The following ZC3H7B variants were observed in gnomAD, a reference collection of about 807,000 sequenced individuals.
The protein encoded by ZC3H7B is zinc finger CCCH-type containing 7B.
A neutral mutation model predicts 116.0 loss-of-function variants in ZC3H7B; 35 were observed. The observed-to-expected ratio is 0.30, with a 90% CI of 0.23 to 0.40. The LOEUF is 0.40. Ranked by LOEUF, ZC3H7B falls within the 10% of genes least tolerant of loss-of-function variation. The pLI is 1.00. For synonymous variants in ZC3H7B, 502 were observed against 545.6 expected (o/e 0.92, Z 1.11); for missense variants, 1,011 against 1,321.5 (o/e 0.77, Z 3.64).
intron 1 of ZC3H7B, among the ~76,000 whole-genome samples, chr22:41,319,945 C>T (rs1213563597): frequency 4.0e-5 from 6 of 151,462 alleles, no homozygotes; most frequent in African/African-American, 1.5e-4. Flanking sequence ...GCAGGAGAAT[C>T]GCTTGAACCC....
At chr22:41,352,630 C>T (rs912804367) in intron 17 of ZC3H7B, among the ~76,000 whole-genome samples, 7 of 151,920 alleles carry the variant, frequency 4.6e-5, no homozygotes, top group Non-Finnish European at 7.4e-5. Context: ...GGCGTGGTGG[C>T]GGGCGCCTGT....
chr22:41,345,120 G>A (rs769794564), intron 13 of ZC3H7B, among the ~76,000 whole-genome samples: 3 of 151,892 alleles, frequency 2.0e-5, no homozygotes, highest in South Asian at 2.1e-4. Context: ...CAGCGCCCCC[G>A]CCAGCTTTAT....
intron 16 of ZC3H7B, among the ~76,000 whole-genome samples, chr22:41,350,617 C>G (rs1005955120): frequency 1.3e-5 from 2 of 152,116 alleles, no homozygotes; most frequent in African/African-American, 2.4e-5. Context: ...ACTCTAAGAT[C>G]AGAGCAACAG....
intron 1 of ZC3H7B, among the ~76,000 whole-genome samples, chr22:41,308,224 G>T (rs1034260164): frequency 7.2e-5 from 11 of 152,092 alleles, no homozygotes; most frequent in African/African-American, 2.7e-4. Context: ...TGTGAGGGCT[G>T]CAGGGAAGGT....
At position 41,339,054 on chromosome 22, in the gene ZC3H7B, A is replaced by C. The variant is rs1215278448; in HGVS notation, c.679A>C (p.Met227Leu). ...SPALLPSTPT[M>L]PLFPHVLDLL... ...AGCCCTTCTCCCCTCCACGCCCACG[A>C]TGCCCCTGTTCCCTCACGTTCTGGA... The change falls in exon 9 of 23, where the codon ATG becomes CTG. Residue 227 changes from methionine to leucine, a missense_variant. Coordinates refer to ENST00000352645, the MANE Select transcript of ZC3H7B (RefSeq NM_017590.6). The C allele has an allele frequency of 1.2e-6, 2 of 1,609,070 alleles. No individual in the cohort carries two copies. Among genetic ancestry groups the C allele is most frequent in the African/African-American group, 2.7e-5 (2 of 74,742 alleles).
Position 41,346,202 on chromosome 22 carries a change from C to T in ZC3H7B, c.1659C>T (p.Leu553=). ...AGCACCAGGGCATCTTCACCTTCCT[C>T]TGCGAGGTACTGCCCACCCACCCAC... is the stretch of plus-strand genomic sequence containing the variant. The part of the protein sequence containing the change: ...LKEHQGIFTF[L]CEICFDSKPR... Residue 553 remains leucine, a synonymous_variant, in exon 14 of 23, where the codon CTC becomes CTT. Transcript: ENST00000352645. The surrounding 1 kb of genome is among the most constrained non-coding windows in gnomAD (Gnocchi z 5.3). 2 of 1,609,430 alleles carry T rather than the reference C, an allele frequency of 1.2e-6. No individual in the cohort carries two copies. Among genetic ancestry groups the T allele is most frequent in the Non-Finnish European group, 1.7e-6 (2 of 1,179,816 alleles).
chr22:41,309,558 GC>G (rs2036091734), intron 1 of ZC3H7B, among the ~76,000 whole-genome samples: 1 of 151,746 alleles, frequency 6.6e-6, no homozygotes, highest in Non-Finnish European at 1.5e-5. Flanking sequence ...CAAGTGATCT[GC>G]CCACCTCAGC....
intron 1 of ZC3H7B, among the ~76,000 whole-genome samples, chr22:41,303,993 G>A (rs1414485714): frequency 2.0e-5 from 3 of 152,164 alleles, no homozygotes; most frequent in Admixed American, 2.0e-4. Context: ...TCCTGACCTC[G>A]TGATCCAGCC....
intron 1 of ZC3H7B, among the ~76,000 whole-genome samples, chr22:41,316,293 A>AT (rs1242446099): frequency 0.017 from 1,873 of 113,024 alleles, 27 homozygotes; most frequent in African/African-American, 0.047. Context: ...ATGCCTGGCC[A>AT]TTTTTTTTTT....
intron 1 of ZC3H7B, among the ~76,000 whole-genome samples, chr22:41,303,214 G>T (rs748998398): frequency 3.3e-5 from 5 of 152,234 alleles, no homozygotes; most frequent in African/African-American, 4.8e-5. Flanking sequence ...GCATGTTTGA[G>T]AAGTGGGGAG....
Position 41,339,796 on chromosome 22 carries a change from C to G in ZC3H7B, c.817-20C>G. On this transcript the variant is annotated intron_variant, in intron 9 of 22. Coordinates refer to ENST00000352645, the MANE Select transcript of ZC3H7B (RefSeq NM_017590.6). ...CAGTCCTGTTTTCCTCTGACCCCTC[C>G]CTCTGTCCCTGCCTCATAGTCTCTG... 3 of 1,566,130 alleles carry G rather than the reference C, an allele frequency of 1.9e-6. No individual in the cohort carries two copies. Among genetic ancestry groups the G allele is most frequent in the Non-Finnish European group, 2.6e-6 (3 of 1,151,580 alleles).
At chr22:41,320,756 G>T in intron 2 of ZC3H7B, 43 bp downstream of exon 2, 3 of 1,602,646 alleles carry the variant, frequency 1.9e-6, no homozygotes, top group Non-Finnish European at 2.6e-6. Flanking sequence ...GGGTGGGCAA[G>T]GGTGGGTTCT....
At position 41,327,283 on chromosome 22, in the gene ZC3H7B, C is replaced by T; in HGVS notation, c.363C>T (p.Arg121=). The change falls in exon 5 of 23, where the codon CGC becomes CGT. Residue 121 remains arginine, a synonymous_variant. Transcript: ENST00000352645. The surrounding 1 kb of genome is among the most constrained non-coding windows in gnomAD (Gnocchi z 4.5). ...LDSESIRALF[R]KARALNELGR... ...GTGAGAGTATCCGGGCGTTGTTCCG[C>T]AAGGCACGCGCTCTCAATGAACTGG... 2 of 1,613,994 alleles carry T rather than the reference C, an allele frequency of 1.2e-6. No homozygotes were observed. Among genetic ancestry groups the T allele is most frequent in the Non-Finnish European group, 8.5e-7 (1 of 1,180,030 alleles).
chr22:41,322,894 G>A (rs1193471923), intron 2 of ZC3H7B, among the ~76,000 whole-genome samples: 2 of 152,066 alleles, frequency 1.3e-5, no homozygotes, highest in Non-Finnish European at 2.9e-5. Context: ...AGCCTCCCAC[G>A]TAGCTGGGAT....
intron 15 of ZC3H7B, 125 bp downstream of exon 15, chr22:41,348,292 A>T: frequency 1.3e-6 from 1 of 780,580 alleles, no homozygotes. Context: ...AAGGGGCAGA[A>T]TTTGGGAATC....
chr22:41,341,438 G>A (rs1426465144), intron 11 of ZC3H7B, among the ~76,000 whole-genome samples: 2 of 152,178 alleles, frequency 1.3e-5, no homozygotes, highest in Non-Finnish European at 2.9e-5. Flanking sequence ...ACTCAGTCCG[G>A]TCCTGAGTTT....
At chr22:41,316,912 C>T (rs959994991) in intron 1 of ZC3H7B, among the ~76,000 whole-genome samples, 3 of 151,964 alleles carry the variant, frequency 2.0e-5, no homozygotes, top group African/African-American at 7.3e-5. Flanking sequence ...GCACAATCTT[C>T]GCTCACTACA....
chr22:41,339,673 C>T, intron 9 of ZC3H7B, 143 bp from the exon 10 acceptor site: 1 of 702,860 alleles, frequency 1.4e-6, no homozygotes, highest in South Asian at 2.0e-5. Flanking sequence ...CCAGAAGGGA[C>T]CATAGTGAGC....
chr22:41,342,455 C>A, intron 11 of ZC3H7B, 74 bp from the exon 12 acceptor site: 1 of 1,457,364 alleles, frequency 6.9e-7, no homozygotes, highest in Non-Finnish European at 9.5e-7. Flanking sequence ...CTCCCCACTT[C>A]TGGTGCCCTG....
Sources: allele counts gnomAD v4.1 joint callset (sites outside exome capture counted in the v4.1 genomes callset), GRCh38; gene constraint gnomAD v4.1.1; non-coding constraint Gnocchi (gnomAD v3.1); transcripts MANE v1.5; gene names NCBI Gene and HGNC (gene_info 2026-07-23, HGNC 2026-07-21).